The following CRLF3 variants were observed in gnomAD, a reference collection of about 807,000 sequenced individuals.
The protein encoded by CRLF3 is cytokine receptor-like factor 3.
A neutral mutation model predicts 55.0 loss-of-function variants in CRLF3; 33 were observed. The observed-to-expected ratio is 0.60, with a 90% CI of 0.46 to 0.80. The LOEUF (loss-of-function observed/expected upper bound fraction) is 0.80. Among genes scored for constraint, CRLF3 ranks in the 30% least tolerant of loss-of-function variants. The pLI, the probability that CRLF3 is intolerant of heterozygous loss-of-function variation, is 0.00. For synonymous variants in CRLF3, 238 were observed against 196.8 expected, an observed-to-expected ratio of 1.21 and a Z score of -1.75; for missense variants, 494 against 538.4, an observed-to-expected ratio of 0.92 and a Z score of 0.82.
chr17:30,785,683 G>T (rs1971626437), intron 7 of CRLF3, among the ~76,000 whole-genome samples: 1 of 151,868 alleles, frequency 6.6e-6, no homozygotes, highest in African/African-American at 2.4e-5. Flanking sequence ...TCAGGAGGCT[G>T]AAGTGGGAGG....
chr17:30,795,511 A>AG (rs1971900822), intron 4 of CRLF3, among the ~76,000 whole-genome samples: 2 of 147,858 alleles, frequency 1.4e-5, no homozygotes, highest in Admixed American at 6.7e-5. Context: ...AAAAAAAAAA[A>AG]GAAAATGTCA....
At chr17:30,821,535 G>A (rs982308353) in intron 1 of CRLF3, among the ~76,000 whole-genome samples, 3 of 152,128 alleles carry the variant, frequency 2.0e-5, no homozygotes, top group African/African-American at 7.2e-5. Flanking sequence ...TAATCCAAAT[G>A]TCCATTAATT....
chr17:30,797,416 A>G lies in CRLF3; in HGVS notation c.338-18T>C, dbSNP rs1971935075. 3 of 1,585,050 alleles carry G rather than the reference A, an allele frequency of 1.9e-6. No homozygotes were observed. The highest frequency in any genetic ancestry group is 2.6e-6 in the Non-Finnish European group (3 of 1,153,564). On this transcript the variant is annotated intron_variant, in intron 2 of 7. Coordinates refer to ENST00000324238, the MANE Select transcript of CRLF3 (RefSeq NM_015986.4). ...GATTTCACCTACAATCAAGAATAAG[A>G]GAACTAGAACAATGAAAATGGTCAC... is the stretch of plus-strand genomic sequence containing the variant.
Position 30,793,435 on chromosome 17 carries a change from A to G in CRLF3, c.826+15T>C. On this transcript the variant is annotated intron_variant, in intron 5 of 7. Transcript: ENST00000324238. Reference sequence around the variant, plus strand: ...ATATAGTTAGGCTTCAGGAGAGAAAAGGTTAGCAGCATACCATGAGGCACC... The same window carrying G: ...ATATAGTTAGGCTTCAGGAGAGAAAGGGTTAGCAGCATACCATGAGGCACC... The G allele has an allele frequency of 6.2e-7, 1 of 1,600,038 alleles. No individual in the cohort carries two copies. The highest frequency in any genetic ancestry group is 8.6e-7 in the Non-Finnish European group (1 of 1,167,464).
chr17:30,784,411 T>G lies in CRLF3; in HGVS notation c.1105A>C (p.Asn369His). The change falls in exon 8 of 8, where the codon AAT (asparagine) becomes CAT (histidine). Residue 369 changes from asparagine to histidine, a missense_variant. Physicochemically the swap from Asn to His is moderately conservative, Grantham distance 68. Coordinates refer to ENST00000324238, the MANE Select transcript of CRLF3 (RefSeq NM_015986.4). ...AVFVNGKEMT[N>H]QLPAVTSGST... ...CCAGAAGTAACTGCGGGTAACTGAT[T>G]TGTCATTTCTTTTCCATTGACAAAA... The G allele has an allele frequency of 6.2e-7, 1 of 1,613,394 alleles. No homozygotes were observed. Among genetic ancestry groups the G allele is most frequent in the Non-Finnish European group, 8.5e-7 (1 of 1,179,312 alleles).
Position 30,824,570 on chromosome 17 carries a change from G to T in CRLF3, c.82C>A (p.Arg28=), listed in dbSNP as rs1011370829. ...CCCTCAAGCCGGTGACCCAGCTCCCGCCGGTAGCTCTGCGCTGCCTCCACG... is the reference window on the plus strand; with the variant it reads ...CCCTCAAGCCGGTGACCCAGCTCCCTCCGGTAGCTCTGCGCTGCCTCCACG... The part of the protein sequence containing the change: ...ENVEAAQSYR[R]ELGHRLEGLR... The change falls in exon 1 of 8, where the codon CGG becomes AGG. Residue 28 remains arginine, a synonymous_variant. Coordinates refer to ENST00000324238, the MANE Select transcript of CRLF3 (RefSeq NM_015986.4). 85 of 1,603,246 alleles carry T rather than the reference G, an allele frequency of 5.3e-5. No individual in the cohort carries two copies. The highest frequency in any genetic ancestry group is 6.4e-5 in the Non-Finnish European group (75 of 1,178,564).
At chr17:30,818,795 CT>C (rs1904891538) in intron 1 of CRLF3, among the ~76,000 whole-genome samples, 1 of 148,070 alleles carries the variant, frequency 6.8e-6, no homozygotes, top group African/African-American at 2.5e-5. Flanking sequence ...GACTTCCTGT[CT>C]TGGTTTTTTG....
chr17:30,784,165 C>G lies in CRLF3; in HGVS notation c.*22G>C, dbSNP rs202178927. 2 of 1,604,186 alleles carry G rather than the reference C, an allele frequency of 1.2e-6. No individual in the cohort carries two copies. The highest frequency in any genetic ancestry group is 2.2e-5 in the East Asian group (1 of 44,802). Reference sequence around the variant, plus strand: ...GGACAGCTACGTTAGACCCTGAAAACCAAAGCCAAGCACCCAAACATCTAA... The same window carrying G: ...GGACAGCTACGTTAGACCCTGAAAAGCAAAGCCAAGCACCCAAACATCTAA... On this transcript the variant is annotated 3_prime_UTR_variant, in exon 8 of 8. Transcript: ENST00000324238.
chr17:30,794,816 C>T (rs1407034009), intron 4 of CRLF3, among the ~76,000 whole-genome samples: 1 of 151,978 alleles, frequency 6.6e-6, no homozygotes, highest in Admixed American at 6.6e-5. Context: ...ATAAATAAAA[C>T]CACAACAAGG....
At chr17:30,795,989 G>A (rs1004253395) in intron 4 of CRLF3, among the ~76,000 whole-genome samples, 171 bp downstream of exon 4, 10 of 152,014 alleles carry the variant, frequency 6.6e-5, no homozygotes, top group African/African-American at 2.4e-4. Context: ...AAATAAAACT[G>A]GAAGAGCTAC....
Position 30,784,893 on chromosome 17 carries a change from G to A in CRLF3, c.1073-450C>T, listed in dbSNP as rs557372685. ...CCTGCCTGAGCCTCTCGGATTACAGGTATGTACCACCACGCCCAGCTAATT... is the reference window on the plus strand; with the variant it reads ...CCTGCCTGAGCCTCTCGGATTACAGATATGTACCACCACGCCCAGCTAATT... On this transcript the variant is annotated intron_variant, in intron 7 of 7. Transcript: ENST00000324238. 8.2e-5 allele frequency: 13 copies of A among 158,914 alleles called. No homozygotes were observed. In the East Asian group the frequency reaches 1.7e-3, roughly 21 times the overall value. 9.8% of individuals were successfully genotyped at this position (158,914 alleles called of 1,614,324 possible).
At chr17:30,819,726 C>T (rs548173804) in intron 1 of CRLF3, among the ~76,000 whole-genome samples, 75 of 152,118 alleles carry the variant, frequency 4.9e-4, no homozygotes, top group African/African-American at 1.8e-3. Context: ...AAGGCCAATG[C>T]TGTAGAAATA....
chr17:30,806,925 G>A (rs1458956782), intron 1 of CRLF3, among the ~76,000 whole-genome samples: 2 of 151,982 alleles, frequency 1.3e-5, no homozygotes, highest in Non-Finnish European at 2.9e-5. Context: ...GTGATCCACT[G>A]CACCTGGTCC....
chr17:30,824,454 T>C, intron 1 of CRLF3, 69 bp downstream of exon 1: 1 of 1,454,836 alleles, frequency 6.9e-7, no homozygotes, highest in Non-Finnish European at 9.2e-7. Context: ...CTCAAAGCCC[T>C]CCCAGCCTTC....
In CRLF3 at chr17:30,794,299, A is replaced by G. The variant is rs370181709; in HGVS notation, c.604-627T>C. Among the ~76,000 whole-genome samples, 14 of 152,272 alleles carry G rather than the reference A, an allele frequency of 9.2e-5. No individual in the cohort carries two copies. In the South Asian group the frequency reaches 2.9e-3, roughly 32 times the overall value. ...ATACATCATTCATAATAACCAAGAG[A>G]TAATTAACATACAGTATACAGAACC... On this transcript the variant is annotated intron_variant, in intron 4 of 7. Transcript: ENST00000324238.
chr17:30,800,141 C>G (rs1391731957), intron 2 of CRLF3, among the ~76,000 whole-genome samples: 1 of 152,190 alleles, frequency 6.6e-6, no homozygotes, highest in African/African-American at 2.4e-5. Flanking sequence ...AGCACTCATT[C>G]TGCAGAAGAG....
chr17:30,812,028 T>C (rs1392901098), intron 1 of CRLF3, among the ~76,000 whole-genome samples: 1 of 151,386 alleles, frequency 6.6e-6, no homozygotes, highest in African/African-American at 2.4e-5. Flanking sequence ...GAGAATGGCG[T>C]GAGCGGGGGA....
At chr17:30,820,528 C>A (rs892005289) in intron 1 of CRLF3, among the ~76,000 whole-genome samples, 18 of 152,140 alleles carry the variant, frequency 1.2e-4, no homozygotes, top group Non-Finnish European at 2.9e-5. Context: ...CACCCAGGCA[C>A]GGTGGTAATC....
In CRLF3 at chr17:30,784,059, T is replaced by A; in HGVS notation, c.*128A>T. On this transcript the variant is annotated 3_prime_UTR_variant, in exon 8 of 8. Coordinates refer to ENST00000324238, the MANE Select transcript of CRLF3 (RefSeq NM_015986.4). ...TTTTGCTAAAATATTACAAAATGAA[T>A]CCAGTAAACACTTTCCAATGGCCTA... 1 of 755,940 alleles carries A rather than the reference T, an allele frequency of 1.3e-6. No individual in the cohort carries two copies. Among genetic ancestry groups the A allele is most frequent in the Non-Finnish European group, 2.1e-6 (1 of 468,818 alleles). 46.8% of individuals were successfully genotyped at this position (755,940 alleles called of 1,614,324 possible).
Sources: allele counts gnomAD v4.1 joint callset (sites outside exome capture counted in the v4.1 genomes callset), GRCh38; gene constraint gnomAD v4.1.1; transcripts MANE v1.5; gene names NCBI Gene and HGNC (gene_info 2026-07-23, HGNC 2026-07-21).